Variants in DGKI observed in about 807,000 individuals in gnomAD.
DGKI encodes the protein DAG kinase iota.
Under a neutral mutation model 147.5 loss-of-function variants are expected in DGKI, and 55 were observed. That is an observed-to-expected ratio of 0.37 (90% CI 0.30 to 0.47). The LOEUF is 0.47. Among genes scored for constraint, DGKI ranks in the 20% least tolerant of loss-of-function variants. The pLI is 1.00. For synonymous variants in DGKI, 469 were observed against 477.1 expected (o/e 0.98, Z 0.22); for missense variants, 1,007 against 1,323.8 (o/e 0.76, Z 3.71).
At chr7:137,752,291 T>A (rs1158808812) in intron 1 of DGKI, among the ~76,000 whole-genome samples, 6 of 151,732 alleles carry the variant, frequency 4.0e-5, no homozygotes, top group Non-Finnish European at 1.5e-5. Context: ...GATCTCACAA[T>A]CCCTAAAAAG....
At chr7:137,811,384 TCACACACACACACACA>T (rs55647700) in intron 1 of DGKI, among the ~76,000 whole-genome samples, 7 of 132,114 alleles carry the variant, frequency 5.3e-5, no homozygotes, top group Non-Finnish European at 9.5e-5. Flanking sequence ...TCTCTCTCTC[TCACACACACACACACA>T]CACACACACA....
Position 137,382,910 on chromosome 7 carries a change from T to A in DGKI, c.*8310A>T, listed in dbSNP as rs1811092629. The A allele has an allele frequency of 6.6e-6, 1 of 152,038 alleles. No individual in the cohort carries two copies. The highest frequency in any genetic ancestry group is 1.5e-5 in the Non-Finnish European group (1 of 67,974). The allele number at this position is 152,038 out of a possible 1,614,324, so 9.4% of individuals were successfully genotyped here. A position where few individuals can be genotyped will look rare whatever the true frequency, so the allele number is the denominator to read the frequency against. Reference sequence around the variant, plus strand: ...CAAGCTGTATTACAGAATTAAGGGATGATGGGCAATTAAAACTGTAATCCA... The same window carrying A: ...CAAGCTGTATTACAGAATTAAGGGAAGATGGGCAATTAAAACTGTAATCCA... On this transcript the variant is annotated 3_prime_UTR_variant, in exon 33 of 33. Transcript: ENST00000614521.
intron 15 of DGKI, among the ~76,000 whole-genome samples, chr7:137,578,622 T>TTCAGTATA (rs1819069179): frequency 6.6e-6 from 1 of 152,168 alleles, no homozygotes; most frequent in East Asian, 1.9e-4. Flanking sequence ...TAGAATGACT[T>TTCAGTATA]GAGTGTGGAG....
intron 5 of DGKI, among the ~76,000 whole-genome samples, chr7:137,654,247 C>A (rs556415724): frequency 1.3e-5 from 2 of 152,166 alleles, no homozygotes; most frequent in African/African-American, 4.8e-5. Flanking sequence ...TTAGGTGAGA[C>A]GCCCAAGATC....
intron 1 of DGKI, among the ~76,000 whole-genome samples, chr7:137,824,007 TA>T (rs1797980323): frequency 6.6e-6 from 1 of 152,178 alleles, no homozygotes; most frequent in Non-Finnish European, 1.5e-5. Context: ...AATAAAATTG[TA>T]ATATGTATTG....
intron 20 of DGKI, among the ~76,000 whole-genome samples, chr7:137,525,677 C>T (rs1817119238): frequency 6.6e-6 from 1 of 152,180 alleles, no homozygotes; most frequent in Non-Finnish European, 1.5e-5. Context: ...TGAGCCAATA[C>T]ATGTGATATG....
chr7:137,737,998 C>A (rs1272324375), intron 1 of DGKI, among the ~76,000 whole-genome samples: 5 of 152,124 alleles, frequency 3.3e-5, no homozygotes, highest in African/African-American at 1.2e-4. Context: ...ACAGTCTTTA[C>A]CGTTTAGCAA....
chr7:137,395,687 C>T lies in DGKI; in HGVS notation c.2968G>A (p.Ala990Thr). ...CGCTGGCAGGCAGCCTTGTGCAGTGCAGTCTCACCCCTAAATCAAAGATGA... is the reference window on the plus strand; with the variant it reads ...CGCTGGCAGGCAGCCTTGTGCAGTGTAGTCTCACCCCTAAATCAAAGATGA... ...DMADSETGET[A>T]LHKAACQRNR... is the part of the protein sequence containing the mutation. The change falls in exon 32 of 33, where the codon GCA becomes ACA. Residue 990 changes from alanine (A) to threonine (T), a missense_variant. Coordinates refer to ENST00000614521, the MANE Select transcript of DGKI (RefSeq NM_001321708.2). 1 of 1,613,844 alleles carries T rather than the reference C, an allele frequency of 6.2e-7. No homozygotes were observed. Among genetic ancestry groups the T allele is most frequent in the Non-Finnish European group, 8.5e-7 (1 of 1,179,740 alleles).
chr7:137,762,242 T>C (rs1465935921), intron 1 of DGKI, among the ~76,000 whole-genome samples: 1 of 152,206 alleles, frequency 6.6e-6, no homozygotes, highest in Non-Finnish European at 1.5e-5. Context: ...ATCTTCTTAA[T>C]AGATTCCTGG....
chr7:137,569,420 T>C (rs1451165112), intron 19 of DGKI, among the ~76,000 whole-genome samples: 1 of 151,860 alleles, frequency 6.6e-6, no homozygotes, highest in Admixed American at 6.6e-5. Context: ...ACGGGCATGA[T>C]TTTGTCACCT....
intron 1 of DGKI, among the ~76,000 whole-genome samples, chr7:137,741,112 A>G (rs765201258): frequency 3.3e-5 from 5 of 152,220 alleles, no homozygotes; most frequent in Non-Finnish European, 7.3e-5. Context: ...CCTTGCTCCA[A>G]GTCATTCAGC....
intron 19 of DGKI, among the ~76,000 whole-genome samples, chr7:137,567,865 T>C (rs1195849645): frequency 6.6e-6 from 1 of 152,220 alleles, no homozygotes; most frequent in African/African-American, 2.4e-5. Flanking sequence ...ATATATATGC[T>C]ATGCATATGA....
Position 137,643,245 on chromosome 7 carries a change from C to T in DGKI, c.804+2227G>A, listed in dbSNP as rs549598898. On this transcript the variant is annotated intron_variant, in intron 6 of 32. Transcript: ENST00000614521. ...GGCGGAGCTTGCAGTGAGTGGAGATCGCGCCACTGCACTCCAACCTGGGAG... is the reference window on the plus strand; with the variant it reads ...GGCGGAGCTTGCAGTGAGTGGAGATTGCGCCACTGCACTCCAACCTGGGAG... 1.5e-4 allele frequency among the ~76,000 whole-genome samples: 20 copies of T among 131,848 alleles called. No homozygotes were observed. In the South Asian group the frequency reaches 2.3e-3, roughly 15 times the overall value. 86.5% of individuals were successfully genotyped at this position (131,848 alleles called of 152,430 possible).
rs186984447 is a variant in DGKI, at chr7:137,650,357, A to C, written c.738+4375T>G. ...TAGACAAGCAAACAGTAATATGCAT[A>C]AATTATTATGGTATACAAAGTGCCC... is the stretch of plus-strand genomic sequence containing the variant. On this transcript the variant is annotated intron_variant, in intron 5 of 32. Transcript: ENST00000614521. Among the ~76,000 whole-genome samples the C allele has an allele frequency of 2.0e-5, 3 of 152,336 alleles. No individual in the cohort carries two copies. The East Asian group carries it at 5.8e-4, about 29-fold the overall frequency.
Position 137,495,503 on chromosome 7 carries a change from A to C in DGKI, c.2249-7814T>G, listed in dbSNP as rs1354682545. On this transcript the variant is annotated intron_variant, in intron 21 of 32. Coordinates refer to ENST00000614521, the MANE Select transcript of DGKI (RefSeq NM_001321708.2). ...CCTGATACCAAAACCTGGCAGAGAC[A>C]AAAAAAAAAAAAAAAAAAAAAAAAA... is the stretch of plus-strand genomic sequence containing the variant. Among the ~76,000 whole-genome samples the C allele has an allele frequency of 3.9e-4, 14 of 36,240 alleles. No homozygotes were observed. The East Asian group carries it at 9.2e-3, about 24-fold the overall frequency. 23.8% of individuals were successfully genotyped at this position (36,240 alleles called of 152,430 possible).
At chr7:137,700,161 G>A (rs574216002) in intron 1 of DGKI, among the ~76,000 whole-genome samples, 2 of 152,302 alleles carry the variant, frequency 1.3e-5, no homozygotes, top group South Asian at 4.1e-4. Context: ...CACTGCCAGG[G>A]TGTATCAGTG....
intron 2 of DGKI, among the ~76,000 whole-genome samples, chr7:137,680,364 C>T (rs567807732): frequency 6.6e-6 from 1 of 152,316 alleles, no homozygotes; most frequent in African/African-American, 2.4e-5. Flanking sequence ...ATAAGAAATT[C>T]TATAGAATAA....
chr7:137,680,198 C>T (rs1181973795), intron 2 of DGKI, among the ~76,000 whole-genome samples: 6 of 152,182 alleles, frequency 3.9e-5, no homozygotes, highest in African/African-American at 1.4e-4. Flanking sequence ...AAGAAAGCAG[C>T]TGTCTGCAAG....
intron 28 of DGKI, among the ~76,000 whole-genome samples, chr7:137,415,976 T>C (rs1647187): frequency 0.94 from 142,540 of 151,994 alleles, 67,488 homozygotes; most frequent in East Asian, 1. Flanking sequence ...AGCGACAGAG[T>C]GAGACTCTGT....
Sources: gnomAD v4.1 joint callset for allele counts (sites outside exome capture counted in the v4.1 genomes callset) on GRCh38, gnomAD v4.1.1 for gene constraint, MANE v1.5 for transcripts, NCBI Gene and HGNC (gene_info 2026-07-23, HGNC 2026-07-21) for gene names.